The following NSD3 variants were observed in gnomAD, a reference collection of about 807,000 sequenced individuals.
NSD3 encodes nuclear receptor binding SET domain protein 3.
A neutral mutation model predicts 160.8 loss-of-function variants in NSD3; 24 were observed. The ratio of observed to expected loss-of-function variants is 0.15; its 90% CI spans 0.11 to 0.21. NSD3 has a LOEUF of 0.21. Ranked by LOEUF, NSD3 falls within the 10% of genes least tolerant of loss-of-function variation. The pLI, the probability that NSD3 is intolerant of heterozygous loss-of-function variation, is 1.00. For missense variants in NSD3, 1,157 were observed against 1,735.9 expected, an observed-to-expected ratio of 0.67 and a Z score of 5.93; for synonymous variants, 520 against 600.0, an observed-to-expected ratio of 0.87 and a Z score of 1.95.
chr8:38,330,483 G>A (rs1487645065), intron 5 of NSD3, among the ~76,000 whole-genome samples: 3 of 152,096 alleles, frequency 2.0e-5, no homozygotes, highest in Non-Finnish European at 4.4e-5. Flanking sequence ...TAGGTCTCTA[G>A]GTCCAGAGTC....
At chr8:38,312,619 A>G (rs1563351192) in intron 12 of NSD3, among the ~76,000 whole-genome samples, 1 of 152,086 alleles carries the variant, frequency 6.6e-6, no homozygotes, top group African/African-American at 2.4e-5. Flanking sequence ...TGCGACAGTC[A>G]GTGGGTGCTT....
chr8:38,372,747 C>T (rs1217710953), intron 1 of NSD3, among the ~76,000 whole-genome samples: 3 of 150,990 alleles, frequency 2.0e-5, no homozygotes, highest in Admixed American at 6.6e-5. Flanking sequence ...CCGCCCGCCT[C>T]GGCCTCCCAA....
intron 12 of NSD3, among the ~76,000 whole-genome samples, chr8:38,311,538 C>CTGG (rs1407779757): frequency 6.6e-6 from 1 of 152,130 alleles, no homozygotes; most frequent in African/African-American, 2.4e-5. Context: ...GTTGGTCAGG[C>CTGG]TGGTCTTAAA....
At chr8:38,331,319 G>A in intron 5 of NSD3, 112 bp downstream of exon 5, 1 of 1,222,330 alleles carries the variant, frequency 8.2e-7, no homozygotes, top group Non-Finnish European at 1.1e-6. Context: ...AGCTGAAAGG[G>A]GTTTAAAAAA....
chr8:38,374,342 TAAG>T (rs1216388027), intron 1 of NSD3, among the ~76,000 whole-genome samples: 1 of 152,014 alleles, frequency 6.6e-6, no homozygotes, highest in African/African-American at 2.4e-5. Flanking sequence ...TACACCAAAA[TAAG>T]AAAAAGCACA....
In NSD3 at chr8:38,373,451, T is replaced by A. The variant is rs748830587; in HGVS notation, c.-45+8348A>T. 1.7e-3 allele frequency among the ~76,000 whole-genome samples: 254 copies of A among 152,318 alleles called. 2 individuals are homozygous for A. Among genetic ancestry groups the A allele is most frequent in the Non-Finnish European group, 2.3e-3 (157 of 68,018 alleles). On this transcript the variant is annotated intron_variant, in intron 1 of 23. Coordinates refer to ENST00000317025, the MANE Select transcript of NSD3 (RefSeq NM_023034.2). ...CATTCAAGTTTTATATGCTTTTTTTTATATTTCACATTTCATAACGTAAAA... is the reference window on the plus strand; with the variant it reads ...CATTCAAGTTTTATATGCTTTTTTTAATATTTCACATTTCATAACGTAAAA...
chr8:38,304,840 G>A, intron 13 of NSD3, 83 bp from the exon 14 acceptor site: 5 of 1,415,710 alleles, frequency 3.5e-6, no homozygotes, highest in South Asian at 1.4e-5. Context: ...GCTTTTTTGG[G>A]TCCCTCTGAG....
In NSD3 at chr8:38,314,763, C is replaced by A. The variant is rs751869905; in HGVS notation, c.2126G>T (p.Ser709Ile). 4.3e-6 allele frequency: 7 copies of A among 1,613,812 alleles called. No individual in the cohort carries two copies. The South Asian group carries it at 6.6e-5, about 15-fold the overall frequency. ...KKDTVCQICE[S>I]SGDSLIPCEG... Reference sequence around the variant, plus strand: ...ACAAGGAATCAGAGAGTCACCAGAGCTTTCACAAATCTGTAATATGGCAAA... The same window carrying A: ...ACAAGGAATCAGAGAGTCACCAGAGATTTCACAAATCTGTAATATGGCAAA... Residue 709 changes from serine (S) to isoleucine (I), a missense_variant, in exon 12 of 24, where the codon AGC becomes ATC. Ser to Ile is a moderately radical substitution (Grantham distance 142, BLOSUM62 -2). Coordinates refer to ENST00000317025, the MANE Select transcript of NSD3 (RefSeq NM_023034.2).
At chr8:38,344,077 C>T (rs557098669) in intron 2 of NSD3, among the ~76,000 whole-genome samples, 8 of 152,244 alleles carry the variant, frequency 5.3e-5, no homozygotes, top group Non-Finnish European at 1.2e-4. Context: ...TTAAAATATA[C>T]AATTTCAGTA....
Position 38,318,645 on chromosome 8 carries a change from T to C in NSD3, c.1855+250A>G, listed in dbSNP as rs1287282530. ...AACCCCAGAATCTTATGGAGAAAAG[T>C]TGGAAACAGTATCAAGTCTACGTTG... On this transcript the variant is annotated intron_variant, in intron 9 of 23. Transcript: ENST00000317025. The surrounding 1 kb of genome is among the most constrained non-coding windows in gnomAD (Gnocchi z 5.3). 6.6e-6 allele frequency among the ~76,000 whole-genome samples: 1 copy of C among 152,036 alleles called. No individual in the cohort carries two copies. The highest frequency in any genetic ancestry group is 2.4e-5 in the African/African-American group (1 of 41,370).
At chr8:38,289,260 A>T in intron 18 of NSD3, 133 bp downstream of exon 18, 1 of 831,424 alleles carries the variant, frequency 1.2e-6, no homozygotes, top group Non-Finnish European at 1.9e-6. Flanking sequence ...AGTTTGCACA[A>T]GTCAAAGAGG....
chr8:38,299,248 A>G (rs180701085), intron 15 of NSD3, among the ~76,000 whole-genome samples, 196 bp downstream of exon 15: 2 of 152,308 alleles, frequency 1.3e-5, no homozygotes, highest in African/African-American at 2.4e-5. Context: ...GTATGTAAAA[A>G]TGTGCAACAA....
In NSD3 at chr8:38,279,859, C is replaced by A. The variant is rs547111348; in HGVS notation, c.3619-178G>T. 19 of 611,194 alleles carry A rather than the reference C, an allele frequency of 3.1e-5. No individual in the cohort carries two copies. The East Asian group carries it at 4.0e-4, about 13-fold the overall frequency. 37.9% of individuals were successfully genotyped at this position (611,194 alleles called of 1,614,324 possible). ...CTAAGTTCTCTCCTTTATTTGATGA[C>A]CTTCAAGTCAAAGTAATTAGGATAA... On this transcript the variant is annotated intron_variant, in intron 20 of 23. Coordinates refer to ENST00000317025, the MANE Select transcript of NSD3 (RefSeq NM_023034.2).
intron 4 of NSD3, among the ~76,000 whole-genome samples, chr8:38,336,931 C>T (rs1369233491): frequency 6.6e-6 from 1 of 152,040 alleles, no homozygotes; most frequent in Non-Finnish European, 1.5e-5. Flanking sequence ...CCCTTGAGTT[C>T]GAGAGTTCAA....
intron 1 of NSD3, among the ~76,000 whole-genome samples, chr8:38,372,678 G>C (rs1440105445): frequency 2.0e-5 from 3 of 150,676 alleles, no homozygotes; most frequent in Non-Finnish European, 3.0e-5. Flanking sequence ...TGTAGTTTTA[G>C]TAGAGACGGG....
Position 38,338,593 on chromosome 8 carries a change from C to A in NSD3, c.690G>T (p.Arg230Ser), listed in dbSNP as rs139038133. The A allele has an allele frequency of 6.2e-7, 1 of 1,613,656 alleles. No individual in the cohort carries two copies. The highest frequency in any genetic ancestry group is 2.2e-5 in the East Asian group (1 of 44,824). The change falls in exon 3 of 24, where the codon AGG (arginine) becomes AGT (serine). Residue 230 changes from arginine (R) to serine (S), a missense_variant. Physicochemically the swap from Arg to Ser is moderately radical, Grantham distance 110 (BLOSUM62 -1). Transcript: ENST00000317025. Reference sequence around the variant, plus strand: ...TTGGTTTTTCTGATACAGTGTCAACCCTCTCATTTGGTCTCTAGGTGAAAA... The same window carrying A: ...TTGGTTTTTCTGATACAGTGTCAACACTCTCATTTGGTCTCTAGGTGAAAA... ...EPEEQNRPNERVDTVSEKPRE... is the reference protein window; with the variant it reads ...EPEEQNRPNESVDTVSEKPRE...
intron 12 of NSD3, among the ~76,000 whole-genome samples, chr8:38,309,017 G>A (rs1243949291): frequency 6.6e-6 from 1 of 150,926 alleles, no homozygotes; most frequent in Non-Finnish European, 1.5e-5. Context: ...TTAAGAACAA[G>A]TCAGTCAGTG....
chr8:38,329,365 A>G lies in NSD3; in HGVS notation c.1581+13T>C. 7 of 1,597,864 alleles carry G rather than the reference A, an allele frequency of 4.4e-6. No individual in the cohort carries two copies. In the African/African-American group the frequency reaches 5.4e-5, roughly 12 times the overall value. ...TACCATCCCCCAAAAAACTCCACGA[A>G]AAAAGGAGGTACCTTTGTTGAATAA... is the stretch of plus-strand genomic sequence containing the variant. On this transcript the variant is annotated intron_variant, in intron 6 of 23. Transcript: ENST00000317025. This position sits in a 1 kb window ranked among gnomAD's most constrained non-coding sequence, Gnocchi z 4.8.
At chr8:38,307,823 A>G (rs1441640958) in intron 12 of NSD3, among the ~76,000 whole-genome samples, 1 of 152,242 alleles carries the variant, frequency 6.6e-6, no homozygotes, top group African/African-American at 2.4e-5. Flanking sequence ...CAAGAACAGT[A>G]ATTATAATAT....
Sources: gnomAD v4.1 joint callset for allele counts (sites outside exome capture counted in the v4.1 genomes callset) on GRCh38, gnomAD v4.1.1 for gene constraint, Gnocchi (gnomAD v3.1) non-coding constraint, MANE v1.5 for transcripts, NCBI Gene and HGNC (gene_info 2026-07-23, HGNC 2026-07-21) for gene names.